CDCA8: variants seen among roughly 807,000 people sequenced by gnomAD.
CDCA8 encodes the protein borealin.
CDCA8 carries 25 observed loss-of-function variants against 40.0 expected under a neutral mutation model. The ratio of observed to expected loss-of-function variants is 0.63; its 90% CI spans 0.46 to 0.87. The LOEUF (loss-of-function observed/expected upper bound fraction) is 0.87. CDCA8 is among the 40% of genes least tolerant of loss of function. The probability of loss-of-function intolerance (pLI) is 0.00; values close to 1 mark genes in which losing one functional copy is unlikely to be tolerated. For missense variants in CDCA8, 280 were observed against 348.4 expected, an observed-to-expected ratio of 0.80 and a Z score of 1.56; for synonymous variants, 111 against 126.5, an observed-to-expected ratio of 0.88 and a Z score of 0.82.
At chr1:37,694,609 A>G (rs1274732789) in intron 2 of CDCA8, among the ~76,000 whole-genome samples, 1 of 152,274 alleles carries the variant, frequency 6.6e-6, no homozygotes, top group African/African-American at 2.4e-5. Context: ...TCTATGCCAG[A>G]TGGGCATTGT....
chr1:37,706,532 A>T (rs763439063), intron 8 of CDCA8, among the ~76,000 whole-genome samples: 2 of 152,232 alleles, frequency 1.3e-5, no homozygotes, highest in Admixed American at 6.5e-5. Flanking sequence ...TACCTGTGAT[A>T]TGCGCAATAA....
intron 9 of CDCA8, 100 bp downstream of exon 9, chr1:37,707,164 A>G (rs1405117438): frequency 3.6e-6 from 3 of 842,404 alleles, no homozygotes; most frequent in South Asian, 1.6e-5. Context: ...AATACTTTCT[A>G]CTTAAATTTG....
At chr1:37,693,739 T>C (rs1189062716) in intron 2 of CDCA8, among the ~76,000 whole-genome samples, 1 of 152,128 alleles carries the variant, frequency 6.6e-6, no homozygotes, top group South Asian at 2.1e-4. Flanking sequence ...ATTTTACCCA[T>C]TTAAAAATGA....
At chr1:37,702,967 A>C (rs1379074342) in intron 6 of CDCA8, among the ~76,000 whole-genome samples, 1 of 150,936 alleles carries the variant, frequency 6.6e-6, no homozygotes, top group Non-Finnish European at 1.5e-5. Flanking sequence ...AAAAAAAAAA[A>C]GTCAGATTCT....
At chr1:37,706,107 CTTTTTT>C (rs36029061) in intron 8 of CDCA8, among the ~76,000 whole-genome samples, 3 of 107,716 alleles carry the variant, frequency 2.8e-5, no homozygotes, top group Admixed American at 9.8e-5. Context: ...CCGTGCCCAC[CTTTTTT>C]TTTTTTTTTT....
intron 7 of CDCA8, among the ~76,000 whole-genome samples, chr1:37,704,238 A>G (rs1035724724): frequency 6.6e-6 from 1 of 152,130 alleles, no homozygotes; most frequent in African/African-American, 2.4e-5. Context: ...CCCGGCCTCA[A>G]ATCAGTTTTT....
intron 3 of CDCA8, among the ~76,000 whole-genome samples, chr1:37,698,172 A>G (rs896063859): frequency 2.6e-5 from 4 of 152,236 alleles, no homozygotes; most frequent in African/African-American, 4.8e-5. Flanking sequence ...GATGTAGATC[A>G]TTAGGAACTT....
At position 37,708,178 on chromosome 1, in the gene CDCA8, G is replaced by A. The variant is rs147270167; in HGVS notation, c.799-144G>A. Reference sequence around the variant, plus strand: ...ACTTGAGTTGTTATTTTACTCCCTTGTTCAGATGAGAAACAGGTTCAGAAA... The same window carrying A: ...ACTTGAGTTGTTATTTTACTCCCTTATTCAGATGAGAAACAGGTTCAGAAA... On this transcript the variant is annotated intron_variant, in intron 9 of 9. Transcript: ENST00000373055. The A allele has an allele frequency of 1.0e-4, 74 of 712,202 alleles. No individual in the cohort carries two copies. The African/African-American group carries it at 1.1e-3, about 11-fold the overall frequency. The allele number at this position is 712,202 out of a possible 1,614,324, so 44.1% of individuals were successfully genotyped here.
Position 37,692,746 on chromosome 1 carries a change from G to C in CDCA8, c.56G>C (p.Arg19Pro). Residue 19 changes from arginine to proline, a missense_variant, in exon 1 of 10, where the codon CGG becomes CCG. By Grantham distance (103) the Arg-to-Pro change is moderately radical. Coordinates refer to ENST00000373055, the MANE Select transcript of CDCA8 (RefSeq NM_001256875.2). ...RVAKTNSLRRRKLASFLKDFD... is the reference protein window; with the variant it reads ...RVAKTNSLRRPKLASFLKDFD... Reference sequence around the variant, plus strand: ...GCCAAGACCAACTCCTTACGGAGGCGGAAGCTCGCCTCCTTTCTGAAAGAC... The same window carrying C: ...GCCAAGACCAACTCCTTACGGAGGCCGAAGCTCGCCTCCTTTCTGAAAGAC... 1 of 1,613,486 alleles carries C rather than the reference G, an allele frequency of 6.2e-7. No individual in the cohort carries two copies.
chr1:37,707,752 T>G (rs10908372), intron 9 of CDCA8, among the ~76,000 whole-genome samples: 23,193 of 152,204 alleles, frequency 0.15, 1,823 homozygotes, highest in Non-Finnish European at 0.17. Context: ...GCCCATGAGT[T>G]CAAGGCTGCA....
At chr1:37,704,287 G>C (rs1645584232) in intron 7 of CDCA8, among the ~76,000 whole-genome samples, 1 of 152,162 alleles carries the variant, frequency 6.6e-6, no homozygotes, top group South Asian at 2.1e-4. Flanking sequence ...CTTGGTAGAA[G>C]TAAAAATTGA....
chr1:37,700,665 C>T, intron 5 of CDCA8, 144 bp downstream of exon 5: 2 of 622,512 alleles, frequency 3.2e-6, no homozygotes, highest in African/African-American at 1.8e-5. Flanking sequence ...AGATAATTGA[C>T]TGGTGTGCAA....
intron 6 of CDCA8, among the ~76,000 whole-genome samples, chr1:37,702,734 T>C (rs915535415): frequency 6.6e-6 from 1 of 152,010 alleles, no homozygotes; most frequent in African/African-American, 2.4e-5. Context: ...GGTGGATCAC[T>C]TGAGGTCAGG....
At chr1:37,706,867 C>G in intron 8 of CDCA8, 111 bp from the exon 9 acceptor site, 1 of 757,080 alleles carries the variant, frequency 1.3e-6, no homozygotes, top group Non-Finnish European at 2.3e-6. Context: ...CCTGTCTTGC[C>G]ACTTCTCCAT....
chr1:37,705,625 T>C (rs1264089528), intron 8 of CDCA8, 58 bp downstream of exon 8: 1 of 1,593,122 alleles, frequency 6.3e-7, no homozygotes, highest in Non-Finnish European at 8.6e-7. Flanking sequence ...AGCATTTCTT[T>C]TCCCTGGGCC....
intron 7 of CDCA8, 34 bp from the exon 8 acceptor site, chr1:37,705,407 C>A: frequency 6.2e-7 from 1 of 1,604,994 alleles, no homozygotes; most frequent in South Asian, 1.1e-5. Context: ...CATCCAATTG[C>A]CAAGCTATCT....
rs1330987276 is a variant in CDCA8 at position 37,700,535 on chromosome 1, G to A, written c.423+14G>A. 1 of 1,512,698 alleles carries A rather than the reference G, an allele frequency of 6.6e-7. No homozygotes were observed. The highest frequency in any genetic ancestry group is 1.4e-5 in the African/African-American group (1 of 73,054). 93.7% of individuals were successfully genotyped at this position (1,512,698 alleles called of 1,614,324 possible). The stretch of plus-strand genomic sequence containing the variant: ...CAAACTGCAAGAGTAAGTGGACACT[G>A]AGGTTGGAGGCTGGGGGTTATCACA... On this transcript the variant is annotated intron_variant, in intron 5 of 9. Transcript: ENST00000373055.
intron 3 of CDCA8, 64 bp from the exon 4 acceptor site, chr1:37,698,841 T>C (rs1424189368): frequency 9.1e-7 from 1 of 1,100,712 alleles, no homozygotes; most frequent in South Asian, 1.3e-5. Context: ...GTTTTTATCT[T>C]GAAATATTGT....
At position 37,702,037 on chromosome 1, in the gene CDCA8, C is replaced by CCT. The variant is rs780484039; in HGVS notation, c.488+219_488+220insCT. On this transcript the variant is annotated intron_variant, in intron 6 of 9. Coordinates refer to ENST00000373055, the MANE Select transcript of CDCA8 (RefSeq NM_001256875.2). Reference sequence around the variant, plus strand: ...AATGTACATTCTCTATCCTTCCCCACTTTTTTTTTTTTTTTTTTTTGAGAC... The same window carrying CCT: ...AATGTACATTCTCTATCCTTCCCCACCTTTTTTTTTTTTTTTTTTTTTGAGAC... Among the ~76,000 whole-genome samples, 211 of 119,008 alleles carry CCT rather than the reference C, an allele frequency of 1.8e-3. 1 individual carries two copies. The highest frequency in any genetic ancestry group is 6.5e-3 in the African/African-American group (201 of 30,858). 78.1% of individuals were successfully genotyped at this position (119,008 alleles called of 152,430 possible).
Sources: allele counts gnomAD v4.1 joint callset (sites outside exome capture counted in the v4.1 genomes callset), GRCh38; gene constraint gnomAD v4.1.1; transcripts MANE v1.5; gene names NCBI Gene and HGNC (gene_info 2026-07-23, HGNC 2026-07-21).